NECTIN1: variants seen among roughly 807,000 people sequenced by gnomAD.
NECTIN1 encodes the protein nectin-1.
A neutral mutation model predicts 48.0 loss-of-function variants in NECTIN1; 23 were observed. That is an observed-to-expected ratio of 0.48 (90% CI 0.34 to 0.68). The LOEUF is 0.68. NECTIN1 is among the 30% of genes least tolerant of loss of function. The probability of loss-of-function intolerance (pLI) is 0.01; values close to 1 mark genes in which losing one functional copy is unlikely to be tolerated. For synonymous variants in NECTIN1, 270 were observed against 288.9 expected, an observed-to-expected ratio of 0.93 and a Z score of 0.66; for missense variants, 591 against 709.9, an observed-to-expected ratio of 0.83 and a Z score of 1.90.
intron 1 of NECTIN1, among the ~76,000 whole-genome samples, chr11:119,726,068 T>C (rs1008383871): frequency 2.6e-5 from 4 of 152,188 alleles, no homozygotes; most frequent in Admixed American, 1.3e-4. Flanking sequence ...TACACTTCAA[T>C]AGCCAGATTG....
intron 5 of NECTIN1, among the ~76,000 whole-genome samples, chr11:119,647,690 G>A (rs768895485): frequency 1.3e-5 from 2 of 152,180 alleles, no homozygotes; most frequent in Non-Finnish European, 2.9e-5. Flanking sequence ...AGCACAAAGT[G>A]TAGTGGGAAA....
At chr11:119,707,277 T>A (rs983692472) in intron 1 of NECTIN1, among the ~76,000 whole-genome samples, 1 of 152,114 alleles carries the variant, frequency 6.6e-6, no homozygotes. Flanking sequence ...CACACTGGGC[T>A]CCACTCCTGG....
At chr11:119,666,958 A>G (rs893423039) in intron 5 of NECTIN1, among the ~76,000 whole-genome samples, 12 of 152,142 alleles carry the variant, frequency 7.9e-5, no homozygotes, top group African/African-American at 2.9e-4. Flanking sequence ...CGGCTGAGCC[A>G]GGACCCCCCA....
chr11:119,700,037 C>G (rs1184035745), intron 1 of NECTIN1, among the ~76,000 whole-genome samples: 1 of 152,226 alleles, frequency 6.6e-6, no homozygotes, highest in African/African-American at 2.4e-5. Context: ...AACTGTGTTA[C>G]TGGAGAAAAG....
intron 1 of NECTIN1, among the ~76,000 whole-genome samples, chr11:119,692,939 T>C (rs1409007726): frequency 6.6e-6 from 1 of 152,208 alleles, no homozygotes; most frequent in Non-Finnish European, 1.5e-5. Context: ...CTGGCAGTGC[T>C]GGCCTGAGGC....
intron 1 of NECTIN1, among the ~76,000 whole-genome samples, chr11:119,716,146 G>A (rs774065421): frequency 2.1e-4 from 32 of 152,246 alleles, no homozygotes; most frequent in Middle Eastern, 3.4e-3. Flanking sequence ...ATCTGGGTTG[G>A]GGGGGCGGAT....
chr11:119,718,549 G>C (rs1057189593), intron 1 of NECTIN1, among the ~76,000 whole-genome samples: 1 of 152,208 alleles, frequency 6.6e-6, no homozygotes, highest in African/African-American at 2.4e-5. Flanking sequence ...ACAGGCTCTG[G>C]CATAGGATCA....
chr11:119,716,742 C>T (rs1591486994), intron 1 of NECTIN1, among the ~76,000 whole-genome samples: 1 of 152,252 alleles, frequency 6.6e-6, no homozygotes, highest in African/African-American at 2.4e-5. Context: ...CTCCACCCAC[C>T]CTTAGTAGCC....
At position 119,661,668 on chromosome 11, in the gene NECTIN1, G is replaced by T; in HGVS notation, c.*3079C>A. The T allele has an allele frequency of 1.0e-6, 1 of 985,924 alleles. No individual in the cohort carries two copies. The highest frequency in any genetic ancestry group is 1.2e-6 in the Non-Finnish European group (1 of 829,964). The allele number at this position is 985,924 out of a possible 1,614,324, so 61.1% of individuals were successfully genotyped here. On this transcript the variant is annotated 3_prime_UTR_variant, in exon 6 of 6. Transcript: ENST00000264025. ...TATTGCACCAGTGACTTGGGCAAGTGGGGGTTGGCTGGCAGAGGAAGCGCA... is the reference window on the plus strand; with the variant it reads ...TATTGCACCAGTGACTTGGGCAAGTTGGGGTTGGCTGGCAGAGGAAGCGCA...
At position 119,673,123 on chromosome 11, in the gene NECTIN1, G is replaced by A. The variant is rs1035701686; in HGVS notation, c.1003+2036C>T. Reference sequence around the variant, plus strand: ...CAAGGGCATGGCTGTGCCCTGCGGGGTGGGCTCCCCAGAGAATGTGGCAGG... The same window carrying A: ...CAAGGGCATGGCTGTGCCCTGCGGGATGGGCTCCCCAGAGAATGTGGCAGG... On this transcript the variant is annotated intron_variant, in intron 5 of 5. Transcript: ENST00000264025. This position sits in a 1 kb window ranked among gnomAD's most constrained non-coding sequence, Gnocchi z 5.8. 8.5e-5 allele frequency among the ~76,000 whole-genome samples: 13 copies of A among 152,248 alleles called. No individual in the cohort carries two copies. Among genetic ancestry groups the A allele is most frequent in the African/African-American group, 2.7e-4 (11 of 41,470 alleles).
intron 1 of NECTIN1, among the ~76,000 whole-genome samples, chr11:119,708,175 G>A (rs1310966294): frequency 6.6e-6 from 1 of 152,164 alleles, no homozygotes; most frequent in African/African-American, 2.4e-5. Context: ...GGTCCTGCAG[G>A]ATAAGCAGGA....
intron 5 of NECTIN1, chr11:119,642,732 G>C (rs1864345110): frequency 6.5e-6 from 1 of 153,526 alleles, no homozygotes; most frequent in Non-Finnish European, 1.5e-5. Context: ...AAATGGTGTA[G>C]TATTTGCCTA....
At position 119,664,589 on chromosome 11, in the gene NECTIN1, G is replaced by A; in HGVS notation, c.*158C>T. 1 of 1,439,424 alleles carries A rather than the reference G, an allele frequency of 6.9e-7. No individual in the cohort carries two copies. The highest frequency in any genetic ancestry group is 9.1e-7 in the Non-Finnish European group (1 of 1,097,536). 89.2% of individuals were successfully genotyped at this position (1,439,424 alleles called of 1,614,324 possible). On this transcript the variant is annotated 3_prime_UTR_variant, in exon 6 of 6. Transcript: ENST00000264025. ...TAAAACACAAAGCCAAGTCGTGGCTGCCCTGGGCTCCCCTGGCCCCCCAGG... is the reference window on the plus strand; with the variant it reads ...TAAAACACAAAGCCAAGTCGTGGCTACCCTGGGCTCCCCTGGCCCCCCAGG...
At chr11:119,700,593 G>A (rs1865434278) in intron 1 of NECTIN1, among the ~76,000 whole-genome samples, 1 of 152,232 alleles carries the variant, frequency 6.6e-6, no homozygotes. Context: ...GCCTGGGGGT[G>A]GGACGGTGGG....
intron 1 of NECTIN1, among the ~76,000 whole-genome samples, chr11:119,710,733 T>C (rs891295572): frequency 2.0e-5 from 3 of 152,070 alleles, no homozygotes; most frequent in Non-Finnish European, 4.4e-5. Context: ...ATAAGCCCAG[T>C]GTGAGAGGAG....
chr11:119,665,339 GCT>G lies in NECTIN1; in HGVS notation c.1004-44_1004-43del. On this transcript the variant is annotated intron_variant, in intron 5 of 5. Transcript: ENST00000264025. The surrounding 1 kb of genome is among the most constrained non-coding windows in gnomAD (Gnocchi z 5.1). ...GATGGAGGGGACAGCATCAGCGTGT[GCT>G]CCTGGGGTGTAGAGGGGGTGGGAGG... 6.5e-7 allele frequency: 1 copy of G among 1,540,992 alleles called. No homozygotes were observed. Among genetic ancestry groups the G allele is most frequent in the Non-Finnish European group, 8.7e-7 (1 of 1,147,784 alleles).
At chr11:119,675,017 C>A in intron 5 of NECTIN1, 142 bp downstream of exon 5, 1 of 1,100,976 alleles carries the variant, frequency 9.1e-7, no homozygotes, top group Non-Finnish European at 1.3e-6. Context: ...CAAAGCAAAA[C>A]CAATGGCCAG....
rs1157282772 is a variant in NECTIN1, at chr11:119,677,664, G to A, written c.624C>T (p.Ile208=). The change falls in exon 3 of 6, where the codon ATC becomes ATT. Residue 208 remains isoleucine (I), a synonymous_variant. Transcript: ENST00000264025. This position sits in a 1 kb window ranked among gnomAD's most constrained non-coding sequence, Gnocchi z 5.4. ...IRNPNGTVTV[I]SRYRLVPSRE... ...TGCTGGGCACCAGGCGGTAGCGGCT[G>A]ATGACCGTCACTGTGCCATTGGGGT... 2.5e-6 allele frequency: 4 copies of A among 1,614,020 alleles called. No homozygotes were observed. Among genetic ancestry groups the A allele is most frequent in the Admixed American group, 3.3e-5 (2 of 60,002 alleles).
rs1201179175 is a variant in NECTIN1 at position 119,683,311 on chromosome 11, G to C, written c.80-4546C>G. On this transcript the variant is annotated intron_variant, in intron 1 of 5. Transcript: ENST00000264025. This position sits in a 1 kb window ranked among gnomAD's most constrained non-coding sequence, Gnocchi z 4.0. ...CATTTACAATGACTGGAGGGATTAGGTCACCTGCTCAGGGACACAGAACAG... is the reference window on the plus strand; with the variant it reads ...CATTTACAATGACTGGAGGGATTAGCTCACCTGCTCAGGGACACAGAACAG... Among the ~76,000 whole-genome samples, 3 of 152,104 alleles carry C rather than the reference G, an allele frequency of 2.0e-5. No individual in the cohort carries two copies. Among genetic ancestry groups the C allele is most frequent in the Non-Finnish European group, 4.4e-5 (3 of 68,036 alleles).
Sources: gnomAD v4.1 joint callset for allele counts (sites outside exome capture counted in the v4.1 genomes callset) on GRCh38, gnomAD v4.1.1 for gene constraint, Gnocchi (gnomAD v3.1) non-coding constraint, MANE v1.5 for transcripts, NCBI Gene and HGNC (gene_info 2026-07-23, HGNC 2026-07-21) for gene names.